RBFOX3: variants seen among roughly 807,000 people sequenced by gnomAD.
RBFOX3 encodes RNA binding fox-1 homolog 3.
A neutral mutation model predicts 48.7 loss-of-function variants in RBFOX3; 17 were observed. The observed-to-expected ratio is 0.35, with a 90% CI of 0.24 to 0.52. The LOEUF is 0.52. RBFOX3 is among the 20% of genes least tolerant of loss of function. The pLI, the probability that RBFOX3 is intolerant of heterozygous loss-of-function variation, is 0.94. For synonymous variants in RBFOX3, 212 were observed against 209.5 expected (o/e 1.01, Z -0.10); for missense variants, 382 against 497.5 (o/e 0.77, Z 2.21).
chr17:79,200,320 C>T (rs920174183), intron 4 of RBFOX3, among the ~76,000 whole-genome samples: 1 of 152,234 alleles, frequency 6.6e-6, no homozygotes, highest in African/African-American at 2.4e-5. Flanking sequence ...ACAGCCACTC[C>T]CAGGGAGTCA....
rs147176063 is a variant in RBFOX3 at position 79,409,808 on chromosome 17, G to A, written c.-175+72646C>T. 1.8e-4 allele frequency among the ~76,000 whole-genome samples: 28 copies of A among 152,314 alleles called. 1 individual carries two copies. The East Asian group carries it at 3.7e-3, about 20-fold the overall frequency. ...TGGGGGATGGGCACTGGTGAGAGGC[G>A]GCAGGGGGCCAGCTCTAGGGATGCT... is the stretch of plus-strand genomic sequence containing the variant. On this transcript the variant is annotated intron_variant, in intron 2 of 14. Coordinates refer to ENST00000693108, the MANE Select transcript of RBFOX3 (RefSeq NM_001350451.2).
the RBFOX3 span, among the ~76,000 whole-genome samples, chr17:79,619,772 C>T: frequency 6.6e-6 from 1 of 152,244 alleles, no homozygotes; most frequent in South Asian, 2.1e-4. Flanking sequence ...ACCCAGGAAG[C>T]ACTCCAGGGA....
intron 4 of RBFOX3, among the ~76,000 whole-genome samples, chr17:79,121,574 C>T (rs2035750364): frequency 6.6e-6 from 1 of 152,164 alleles, no homozygotes; most frequent in African/African-American, 2.4e-5. Context: ...GCAATGTGAC[C>T]ATTGCAATGT....
chr17:79,469,343 G>A (rs922360190), intron 2 of RBFOX3, among the ~76,000 whole-genome samples: 2 of 152,148 alleles, frequency 1.3e-5, no homozygotes, highest in Non-Finnish European at 2.9e-5. Flanking sequence ...GCAGCACTGG[G>A]GCCCCTTGGC....
intron 2 of RBFOX3, among the ~76,000 whole-genome samples, chr17:79,386,062 CA>C (rs2060519060): frequency 6.6e-6 from 1 of 150,952 alleles, no homozygotes; most frequent in African/African-American, 2.4e-5. Flanking sequence ...AAAGAGGCTC[CA>C]TCACCCTCCA....
intron 4 of RBFOX3, among the ~76,000 whole-genome samples, chr17:79,127,189 G>A (rs1323074076): frequency 6.6e-6 from 1 of 152,220 alleles, no homozygotes; most frequent in African/African-American, 2.4e-5. Context: ...ATGCAGGTCC[G>A]GGTGCACCCT....
At chr17:79,561,562 G>T (rs1281739854) in intron 1 of RBFOX3, among the ~76,000 whole-genome samples, 1 of 152,200 alleles carries the variant, frequency 6.6e-6, no homozygotes, top group Non-Finnish European at 1.5e-5. Context: ...CTTTCCATCA[G>T]CCGATGTCAC....
rs192337201 is a variant in RBFOX3, at chr17:79,278,483, C to T, written c.-74+29241G>A. On this transcript the variant is annotated intron_variant, in intron 3 of 14. Coordinates refer to ENST00000693108, the MANE Select transcript of RBFOX3 (RefSeq NM_001350451.2). Reference sequence around the variant, plus strand: ...TGCTGGCCCTGCCTCTTGGTGGGTGCCCCCTGCCCAGCTGCCTCCCACTGG... The same window carrying T: ...TGCTGGCCCTGCCTCTTGGTGGGTGTCCCCTGCCCAGCTGCCTCCCACTGG... 2.8e-3 allele frequency among the ~76,000 whole-genome samples: 419 copies of T among 152,282 alleles called. 1 individual carries two copies. Among genetic ancestry groups the T allele is most frequent in the African/African-American group, 9.7e-3 (405 of 41,568 alleles).
At chr17:79,279,527 T>C (rs2069743693) in intron 3 of RBFOX3, among the ~76,000 whole-genome samples, 1 of 152,210 alleles carries the variant, frequency 6.6e-6, no homozygotes, top group Non-Finnish European at 1.5e-5. Flanking sequence ...TGGCAGATGC[T>C]GGGTGACCAA....
intron 2 of RBFOX3, among the ~76,000 whole-genome samples, chr17:79,353,085 G>A (rs918853254): frequency 6.6e-6 from 1 of 152,262 alleles, no homozygotes; most frequent in Non-Finnish European, 1.5e-5. Flanking sequence ...CTGCTGCACA[G>A]GAGGGACATC....
intron 4 of RBFOX3, among the ~76,000 whole-genome samples, chr17:79,222,133 A>AGCCTGATTTCTACCTGCT (rs2059809853): frequency 6.6e-6 from 1 of 151,904 alleles, no homozygotes; most frequent in African/African-American, 2.4e-5. Context: ...TTCTACCCGC[A>AGCCTGATTTCTACCTGCT]GCCTGATTTC....
chr17:79,092,093 C>G (rs1047559874), intron 14 of RBFOX3: 2 of 985,490 alleles, frequency 2.0e-6, no homozygotes, highest in Non-Finnish European at 2.4e-6. Context: ...GGAGCCCCTC[C>G]CTCCCTGCGT....
chr17:79,373,832 C>T lies in RBFOX3; in HGVS notation c.-174-66008G>A, dbSNP rs565440779. Among the ~76,000 whole-genome samples the T allele has an allele frequency of 1.1e-4, 17 of 152,172 alleles. No individual in the cohort carries two copies. The East Asian group carries it at 1.9e-3, about 17-fold the overall frequency. Reference sequence around the variant, plus strand: ...GGACCAGTTTCCTCCCATCTCCCTACGGTTTTGTGATGAGTTTTCTTTTTT... The same window carrying T: ...GGACCAGTTTCCTCCCATCTCCCTATGGTTTTGTGATGAGTTTTCTTTTTT... On this transcript the variant is annotated intron_variant, in intron 2 of 14. Transcript: ENST00000693108.
the RBFOX3 span, among the ~76,000 whole-genome samples, chr17:79,659,590 A>AC: frequency 6.6e-6 from 1 of 152,046 alleles, no homozygotes; most frequent in African/African-American, 2.4e-5. Flanking sequence ...TCAGAGCCAC[A>AC]CCCCAGACAC....
In RBFOX3 at chr17:79,199,328, T is replaced by C. The variant is rs2146760722; in HGVS notation, c.-34+36438A>G. On this transcript the variant is annotated intron_variant, in intron 4 of 14. Transcript: ENST00000693108. The surrounding 1 kb of genome is among the most constrained non-coding windows in gnomAD (Gnocchi z 5.1). Reference sequence around the variant, plus strand: ...GGCACCTCCTGGCTCTCATTCATCCTGCCCTTCTTCTTCCAGCAGGTGGGA... The same window carrying C: ...GGCACCTCCTGGCTCTCATTCATCCCGCCCTTCTTCTTCCAGCAGGTGGGA... Among the ~76,000 whole-genome samples, 1 of 152,320 alleles carries C rather than the reference T, an allele frequency of 6.6e-6. No individual in the cohort carries two copies. Among genetic ancestry groups the C allele is most frequent in the African/African-American group, 2.4e-5 (1 of 41,582 alleles).
chr17:79,364,582 A>C lies in RBFOX3; in HGVS notation c.-174-56758T>G, dbSNP rs2057450553. ...AGCTCTGGGGATGAAAAGATGCGTA[A>C]GACAAAGGGGCCAGGGGTTGAAGGA... On this transcript the variant is annotated intron_variant, in intron 2 of 14. Transcript: ENST00000693108. This position sits in a 1 kb window ranked among gnomAD's most constrained non-coding sequence, Gnocchi z 5.1. 6.6e-6 allele frequency among the ~76,000 whole-genome samples: 1 copy of C among 152,196 alleles called. No individual in the cohort carries two copies. Among genetic ancestry groups the C allele is most frequent in the Admixed American group, 6.5e-5 (1 of 15,274 alleles).
At chr17:79,143,373 C>CGGGGGGGGGGGG (rs915971467) in intron 4 of RBFOX3, among the ~76,000 whole-genome samples, 1 of 7,968 alleles carries the variant, frequency 1.3e-4, no homozygotes, top group African/African-American at 4.6e-4. Context: ...GTTGGTGGAG[C>CGGGGGGGGGGGG]GGGGGGTGGG....
intron 1 of RBFOX3, among the ~76,000 whole-genome samples, chr17:79,510,798 C>T (rs2084041123): frequency 6.6e-6 from 1 of 152,164 alleles, no homozygotes; most frequent in Admixed American, 6.5e-5. Context: ...GCTGGCCAGG[C>T]ACAGTGGAGG....
chr17:79,547,605 A>C (rs1555792308), intron 1 of RBFOX3, among the ~76,000 whole-genome samples: 3 of 152,044 alleles, frequency 2.0e-5, no homozygotes, highest in Non-Finnish European at 2.9e-5. Flanking sequence ...ACAAACACAC[A>C]CCCCCAGCAC....
Sources: gnomAD v4.1 joint callset for allele counts (sites outside exome capture counted in the v4.1 genomes callset) on GRCh38, gnomAD v4.1.1 for gene constraint, Gnocchi (gnomAD v3.1) non-coding constraint, MANE v1.5 for transcripts, NCBI Gene and HGNC (gene_info 2026-07-23, HGNC 2026-07-21) for gene names.